Variants in DNAH12 observed in about 807,000 individuals in gnomAD.
The protein encoded by DNAH12 is dynein axonemal heavy chain 12.
Under a neutral mutation model 371.5 loss-of-function variants are expected in DNAH12, and 285 were observed. The observed-to-expected ratio is 0.77, with a 90% CI of 0.70 to 0.85. The LOEUF is 0.85. Among genes scored for constraint, DNAH12 ranks in the 40% least tolerant of loss-of-function variants. The pLI is 0.00. For synonymous variants in DNAH12, 1,200 were observed against 1,213.0 expected, an observed-to-expected ratio of 0.99 and a Z score of 0.22; for missense variants, 3,611 against 3,689.4, an observed-to-expected ratio of 0.98 and a Z score of 0.55.
At chr3:57,503,979 A>G (rs764119243) in intron 9 of DNAH12, 37 bp downstream of exon 9, 2 of 1,554,148 alleles carry the variant, frequency 1.3e-6, no homozygotes, top group Admixed American at 3.6e-5. Flanking sequence ...AATTCAAATA[A>G]TTTAAAATTC....
chr3:57,545,310 A>AT (rs11431996), upstream of DNAH12, among the ~76,000 whole-genome samples: 119,193 of 147,804 alleles, frequency 0.81, 48,290 homozygotes, highest in East Asian at 0.92. Context: ...AACCCGACTA[A>AT]TTTTTTTTCT....
Position 57,322,333 on chromosome 3 carries a change from TGAATA to T in DNAH12, c.10524+5_10524+9del, listed in dbSNP as rs1559551943. The stretch of plus-strand genomic sequence containing the variant: ...AACACATTTTAAAAGTTCCAAAAGA[TGAATA>T]TTACCAGTTCCTTTCCACGGCATCC... On this transcript the variant is annotated splice_donor_5th_base_variant and intron_variant, in intron 65 of 73. Coordinates refer to ENST00000495027, the MANE Select transcript of DNAH12 (RefSeq NM_001366028.2). 1 of 1,540,782 alleles carries T rather than the reference TGAATA, an allele frequency of 6.5e-7. No homozygotes were observed. Among genetic ancestry groups the T allele is most frequent in the Non-Finnish European group, 8.8e-7 (1 of 1,142,230 alleles).
intron 12 of DNAH12, among the ~76,000 whole-genome samples, chr3:57,485,599 A>AC (rs56696771): frequency 0.67 from 101,355 of 151,514 alleles, 34,153 homozygotes; most frequent in South Asian, 0.75. Context: ...ATGGGGTTTC[A>AC]CATGTTGGCC....
At chr3:57,449,223 C>T (rs1348806096) in intron 25 of DNAH12, among the ~76,000 whole-genome samples, 1 of 152,146 alleles carries the variant, frequency 6.6e-6, no homozygotes, top group African/African-American at 2.4e-5. Context: ...TTTACAATCC[C>T]TGAGCTAGAC....
At chr3:57,436,309 T>G (rs2153367268) in intron 30 of DNAH12, among the ~76,000 whole-genome samples, 1 of 152,282 alleles carries the variant, frequency 6.6e-6, no homozygotes, top group East Asian at 1.9e-4. Flanking sequence ...TACAAAATGC[T>G]TATGGCTCCT....
At chr3:57,373,899 A>G (rs1270728433) in intron 55 of DNAH12, among the ~76,000 whole-genome samples, 2 of 152,178 alleles carry the variant, frequency 1.3e-5, no homozygotes, top group African/African-American at 4.8e-5. Flanking sequence ...ACACATTCTT[A>G]TTTTATTAAA....
At chr3:57,349,315 A>T (rs1026242390) in intron 60 of DNAH12, among the ~76,000 whole-genome samples, 4 of 152,198 alleles carry the variant, frequency 2.6e-5, no homozygotes, top group Non-Finnish European at 4.4e-5. Flanking sequence ...ACACACAAAA[A>T]AAATGGATGT....
chr3:57,403,718 T>A (rs1553679966), intron 42 of DNAH12, among the ~76,000 whole-genome samples: 1 of 152,126 alleles, frequency 6.6e-6, no homozygotes, highest in Non-Finnish European at 1.5e-5. Context: ...AAAGTTCAAA[T>A]TCAGGAAATT....
At chr3:57,443,114 ATTATTT>A (rs2065360817) in intron 29 of DNAH12, among the ~76,000 whole-genome samples, 1 of 151,956 alleles carries the variant, frequency 6.6e-6, no homozygotes, top group East Asian at 1.9e-4. Flanking sequence ...TATTTTATTT[ATTATTT>A]TTATTTTAAG....
At chr3:57,366,383 A>G (rs1277992844) in intron 57 of DNAH12, among the ~76,000 whole-genome samples, 1 of 152,126 alleles carries the variant, frequency 6.6e-6, no homozygotes, top group African/African-American at 2.4e-5. Context: ...CCATTCTTTT[A>G]TTCCTTTACT....
At chr3:57,507,951 G>C (rs112778303) in intron 7 of DNAH12, 113 bp from the exon 8 acceptor site, 1 of 884,806 alleles carries the variant, frequency 1.1e-6, no homozygotes, top group Non-Finnish European at 1.6e-6. Context: ...CACTTTGGGA[G>C]GCTGAGGCAG....
intron 58 of DNAH12, among the ~76,000 whole-genome samples, chr3:57,358,373 G>C (rs2062846822): frequency 6.6e-6 from 1 of 152,182 alleles, no homozygotes; most frequent in Non-Finnish European, 1.5e-5. Flanking sequence ...GTAGAGGGAA[G>C]CACAGAATGA....
intron 11 of DNAH12, among the ~76,000 whole-genome samples, chr3:57,492,816 C>A (rs948845306): frequency 6.6e-6 from 1 of 151,980 alleles, no homozygotes; most frequent in Non-Finnish European, 1.5e-5. Context: ...ACCATCCTGG[C>A]CAACATGGTG....
At chr3:57,544,808 T>C (rs1221088002), upstream of DNAH12, among the ~76,000 whole-genome samples, 3 of 152,186 alleles carry the variant, frequency 2.0e-5, no homozygotes, top group Non-Finnish European at 1.5e-5. Context: ...AGTGGTATGC[T>C]GGGAGAAAGA....
chr3:57,439,182 T>C (rs1469231923), intron 29 of DNAH12, among the ~76,000 whole-genome samples: 6 of 152,134 alleles, frequency 3.9e-5, no homozygotes, highest in Non-Finnish European at 5.9e-5. Flanking sequence ...CAAGATTACT[T>C]TTCACAGAAC....
At chr3:57,494,528 C>T (rs1057204071) in intron 11 of DNAH12, among the ~76,000 whole-genome samples, 9 of 152,016 alleles carry the variant, frequency 5.9e-5, no homozygotes, top group Non-Finnish European at 1.2e-4. Flanking sequence ...TACCACTGTA[C>T]TTTAGCCTGG....
At chr3:57,397,314 T>C (rs2063763749) in intron 43 of DNAH12, among the ~76,000 whole-genome samples, 1 of 149,784 alleles carries the variant, frequency 6.7e-6, no homozygotes, top group African/African-American at 2.6e-5. Flanking sequence ...GAAGGGACTG[T>C]TCCCAAAAGG....
At chr3:57,380,554 TC>T (rs1337977592) in intron 50 of DNAH12, among the ~76,000 whole-genome samples, 187 bp from the exon 51 acceptor site, 1 of 152,176 alleles carries the variant, frequency 6.6e-6, no homozygotes, top group African/African-American at 2.4e-5. Context: ...GCTCACTGCC[TC>T]CCAGGTTCAA....
At chr3:57,473,485 CAA>C (rs879415134) in intron 13 of DNAH12, among the ~76,000 whole-genome samples, 1 of 121,024 alleles carries the variant, frequency 8.3e-6, no homozygotes. Context: ...GACTCCGTCT[CAA>C]AAAAAAAAAA....
Sources: gnomAD v4.1 joint callset for allele counts (sites outside exome capture counted in the v4.1 genomes callset) on GRCh38, gnomAD v4.1.1 for gene constraint, MANE v1.5 for transcripts, NCBI Gene and HGNC (gene_info 2026-07-23, HGNC 2026-07-21) for gene names.